The following NHSL3 variants were observed in gnomAD, a reference collection of about 807,000 sequenced individuals.
The protein encoded by NHSL3 is NHS like 3, also known as NHS-like protein 3.
chr1:32,771,348 C>T, the NHSL3 span: 1 of 1,592,870 alleles, frequency 6.3e-7, no homozygotes, highest in Non-Finnish European at 8.6e-7. Flanking sequence ...CTCCTGTCAT[C>T]TCCAAAGACC....
At chr1:32,742,017 C>T in the NHSL3 span, 2 of 1,237,906 alleles carry the variant, frequency 1.6e-6, no homozygotes, top group South Asian at 3.4e-5. Context: ...CGGGCGGCCC[C>T]CCGCGCAGGA....
the NHSL3 span, chr1:32,768,164 A>AC: frequency 7.9e-7 from 1 of 1,267,996 alleles, no homozygotes; most frequent in Non-Finnish European, 1.1e-6. Flanking sequence ...TACCTGCTTG[A>AC]CCCCTGGCAA....
chr1:32,757,850 C>T, the NHSL3 span, among the ~76,000 whole-genome samples: 9 of 152,154 alleles, frequency 5.9e-5, no homozygotes, highest in East Asian at 7.8e-4. Context: ...AGGGTGTCAT[C>T]TTATGACACC....
chr1:32,760,588 G>T, the NHSL3 span, among the ~76,000 whole-genome samples: 858 of 138,696 alleles, frequency 6.2e-3, 11 homozygotes, highest in African/African-American at 0.022. Context: ...GTGTGTGTGT[G>T]TTTTTTTTTT....
At chr1:32,771,885 A>G in the NHSL3 span, 7 of 1,591,670 alleles carry the variant, frequency 4.4e-6, no homozygotes, top group African/African-American at 8.1e-5. Context: ...CCACCCCAGC[A>G]CTGGGGCCAT....
chr1:32,772,133 G>A, the NHSL3 span: 7 of 1,613,270 alleles, frequency 4.3e-6, no homozygotes, highest in Middle Eastern at 1.7e-4. Flanking sequence ...CAGCTGGAGC[G>A]GCCCGTGTCC....
chr1:32,762,244 C>G, the NHSL3 span, among the ~76,000 whole-genome samples: 1 of 152,132 alleles, frequency 6.6e-6, no homozygotes, highest in African/African-American at 2.4e-5. Context: ...GGGGAAGGAA[C>G]TGCAGGGGGG....
chr1:32,769,842 CCT>C, the NHSL3 span: 2 of 1,611,500 alleles, frequency 1.2e-6, no homozygotes, highest in Non-Finnish European at 1.7e-6. Flanking sequence ...TTGGTCATCC[CCT>C]CTCTGCTGAC....
At chr1:32,757,109 C>T in the NHSL3 span, among the ~76,000 whole-genome samples, 15 of 152,322 alleles carry the variant, frequency 9.8e-5, no homozygotes, top group Non-Finnish European at 7.3e-5. Context: ...AAGTCATCCT[C>T]GGCCTCAGCC....
chr1:32,751,321 A>G, the NHSL3 span, among the ~76,000 whole-genome samples: 3 of 152,122 alleles, frequency 2.0e-5, no homozygotes, highest in Non-Finnish European at 4.4e-5. Flanking sequence ...CGCTATCATC[A>G]CTACCTCCGT....
chr1:32,765,770 A>C, the NHSL3 span: 4 of 1,547,626 alleles, frequency 2.6e-6, no homozygotes, highest in Non-Finnish European at 3.5e-6. Context: ...GCCCGCAGTC[A>C]TGGTGGTGTT....
At chr1:32,756,570 G>A in the NHSL3 span, among the ~76,000 whole-genome samples, 1 of 148,156 alleles carries the variant, frequency 6.7e-6, no homozygotes, top group Admixed American at 6.8e-5. Context: ...GAGGTGAGGG[G>A]ATTACGTGAG....
At chr1:32,760,651 C>T in the NHSL3 span, among the ~76,000 whole-genome samples, 3 of 149,502 alleles carry the variant, frequency 2.0e-5, no homozygotes, top group East Asian at 2.0e-4. Flanking sequence ...AGTGCAATGG[C>T]GTGGTCTTGG....
At chr1:32,770,640 G>T in the NHSL3 span, 1 of 1,520,004 alleles carries the variant, frequency 6.6e-7, no homozygotes, top group South Asian at 1.3e-5. This position sits in a 1 kb window ranked among gnomAD's most constrained non-coding sequence, Gnocchi z 8.3. Context: ...TGTCTGGCCG[G>T]AGTGTGTCCC....
chr1:32,770,070 C>T, the NHSL3 span: 10 of 1,560,674 alleles, frequency 6.4e-6, no homozygotes, highest in Non-Finnish European at 8.7e-6. This position sits in a 1 kb window ranked among gnomAD's most constrained non-coding sequence, Gnocchi z 8.3. Context: ...GCCACATTGA[C>T]CGTGTCTACC....
chr1:32,768,375 C>T, the NHSL3 span, among the ~76,000 whole-genome samples: 1 of 152,020 alleles, frequency 6.6e-6, no homozygotes, highest in Non-Finnish European at 1.5e-5. Context: ...GGGCGGATCA[C>T]TTGAGGTCAG....
At chr1:32,760,996 G>A in the NHSL3 span, among the ~76,000 whole-genome samples, 1 of 152,138 alleles carries the variant, frequency 6.6e-6, no homozygotes, top group South Asian at 2.1e-4. Context: ...TGAGGAGCCC[G>A]CAGGTGTGCT....
the NHSL3 span, among the ~76,000 whole-genome samples, chr1:32,752,942 CACACACACATATATATATATAT>C: frequency 6.5e-4 from 15 of 23,022 alleles, 1 homozygote; most frequent in African/African-American, 1.6e-3. Flanking sequence ...CACACACACA[CACACACACATATATATATATAT>C]ATATTTTGGT....
chr1:32,757,894 C>T, the NHSL3 span, among the ~76,000 whole-genome samples: 1 of 152,116 alleles, frequency 6.6e-6, no homozygotes, highest in Non-Finnish European at 1.5e-5. Flanking sequence ...AGCCTGCGGC[C>T]CCGGCCCCGG....
Sources: allele counts gnomAD v4.1 joint callset (sites outside exome capture counted in the v4.1 genomes callset), GRCh38; gene constraint gnomAD v4.1.1; non-coding constraint Gnocchi (gnomAD v3.1); transcripts MANE v1.5; gene names NCBI Gene and HGNC (gene_info 2026-07-23, HGNC 2026-07-21).